Variants in CDH23 observed in about 807,000 individuals in gnomAD.
CDH23 encodes the protein cadherin related 23, also known as cadherin-23.
A neutral mutation model predicts 317.1 loss-of-function variants in CDH23; 189 were observed. That is an observed-to-expected ratio of 0.60 (90% CI 0.53 to 0.67). The LOEUF (loss-of-function observed/expected upper bound fraction) is 0.67, where lower values mean the gene tolerates loss of function less well. Among genes scored for constraint, CDH23 ranks in the 30% least tolerant of loss-of-function variants. The pLI is 0.00. For synonymous variants in CDH23, 1,839 were observed against 1,876.8 expected (o/e 0.98, Z 0.52); for missense variants, 4,401 against 4,592.4 (o/e 0.96, Z 1.20).
chr10:71,732,626 T>C, intron 32 of CDH23: 2 of 1,401,540 alleles, frequency 1.4e-6, no homozygotes, highest in South Asian at 1.7e-5. Context: ...GAGTGAGACC[T>C]TGTCTCTTAC....
At chr10:71,566,108 G>A (rs1589214899) in intron 6 of CDH23, among the ~76,000 whole-genome samples, 2 of 152,216 alleles carry the variant, frequency 1.3e-5, no homozygotes, top group South Asian at 2.1e-4. Context: ...GGGCACTGGG[G>A]AGTCACGGAT....
At chr10:71,561,829 G>C (rs994869824) in intron 6 of CDH23, among the ~76,000 whole-genome samples, 9 of 152,104 alleles carry the variant, frequency 5.9e-5, no homozygotes, top group African/African-American at 2.2e-4. Flanking sequence ...TAAGGGAGTA[G>C]GTGGGACTGG....
At chr10:71,593,928 G>A (rs1859669825) in intron 9 of CDH23, among the ~76,000 whole-genome samples, 3 of 152,152 alleles carry the variant, frequency 2.0e-5, no homozygotes, top group Non-Finnish European at 4.4e-5. Context: ...AGACCAGCCT[G>A]GGCAACGGAG....
chr10:71,537,911 G>T (rs1168859666), intron 6 of CDH23, among the ~76,000 whole-genome samples: 5 of 152,154 alleles, frequency 3.3e-5, no homozygotes, highest in Non-Finnish European at 5.9e-5. Flanking sequence ...CCACTCACTC[G>T]GCTGGTATAG....
At chr10:71,412,295 C>G (rs1458717831) in intron 1 of CDH23, among the ~76,000 whole-genome samples, 2 of 152,170 alleles carry the variant, frequency 1.3e-5, no homozygotes, top group African/African-American at 4.8e-5. Flanking sequence ...GTTTGAGTCT[C>G]TGCTATCAAT....
chr10:71,598,627 G>A lies in CDH23; in HGVS notation c.833-16877G>A, dbSNP rs140224406. ...GTAATTGAGAAGGACACCAGGCCAC[G>A]CATCTGTAGGGTGGCCCAGTGGGAA... On this transcript the variant is annotated intron_variant, in intron 9 of 69. Coordinates refer to ENST00000224721, the MANE Select transcript of CDH23 (RefSeq NM_022124.6). Among the ~76,000 whole-genome samples the A allele has an allele frequency of 2.4e-3, 373 of 152,344 alleles. 3 individuals carry two copies. Among genetic ancestry groups the A allele is most frequent in the African/African-American group, 8.5e-3 (355 of 41,582 alleles).
At chr10:71,415,492 A>G (rs1213044107) in intron 1 of CDH23, among the ~76,000 whole-genome samples, 1 of 152,182 alleles carries the variant, frequency 6.6e-6, no homozygotes, top group African/African-American at 2.4e-5. Flanking sequence ...ATTTTTGTGT[A>G]TTAAATTTTG....
At chr10:71,411,149 C>T (rs1848328189) in intron 1 of CDH23, among the ~76,000 whole-genome samples, 3 of 152,124 alleles carry the variant, frequency 2.0e-5, no homozygotes, top group Admixed American at 2.0e-4. Context: ...TTAGAATTGG[C>T]TTCTGAAATT....
chr10:71,747,905 G>A (rs904183798), intron 38 of CDH23: 4 of 152,360 alleles, frequency 2.6e-5, no homozygotes, highest in African/African-American at 9.6e-5. Flanking sequence ...AAGAGAAGCA[G>A]CAATGCAAAG....
chr10:71,813,201 C>A, intron 68 of CDH23, 43 bp from the exon 69 acceptor site: 1 of 1,515,594 alleles, frequency 6.6e-7, no homozygotes, highest in Non-Finnish European at 9.0e-7. Context: ...GCGGGGCAGG[C>A]AGGGGAGGGC....
At position 71,746,639 on chromosome 10, in the gene CDH23, G is replaced by A. The variant is rs1338215095; in HGVS notation, c.4845+4718G>A. On this transcript the variant is annotated intron_variant, in intron 38 of 69. Transcript: ENST00000224721. ...AGAGCTGGGCCCAGGGAGGAAGGGC[G>A]GAAGGTAACTGGGAGGTCAGGAGTT... Among the ~76,000 whole-genome samples, 7 of 152,340 alleles carry A rather than the reference G, an allele frequency of 4.6e-5. No homozygotes were observed. The East Asian group carries it at 7.7e-4, about 17-fold the overall frequency.
At chr10:71,796,128 C>T in intron 48 of CDH23, 1 of 974,994 alleles carries the variant, frequency 1.0e-6, no homozygotes, top group Non-Finnish European at 1.2e-6. Context: ...AGAAGCCCAG[C>T]AGGGGGATCT....
At chr10:71,505,587 G>A (rs923524650) in intron 3 of CDH23, among the ~76,000 whole-genome samples, 5 of 152,172 alleles carry the variant, frequency 3.3e-5, no homozygotes, top group African/African-American at 9.7e-5. Context: ...ACTCACAGGC[G>A]CTGGCAGTTA....
chr10:71,733,132 C>T (rs1343762525), intron 32 of CDH23, among the ~76,000 whole-genome samples: 8 of 152,224 alleles, frequency 5.3e-5, no homozygotes, highest in Non-Finnish European at 7.3e-5. Context: ...GCTAGAGCAG[C>T]TTGCAGAACT....
chr10:71,797,510 G>C (rs1841434443), intron 49 of CDH23, among the ~76,000 whole-genome samples: 1 of 152,182 alleles, frequency 6.6e-6, no homozygotes, highest in Non-Finnish European at 1.5e-5. Context: ...GCCTGGAACA[G>C]ATTGAGAAAA....
At chr10:71,619,056 C>T (rs1861337054) in intron 11 of CDH23, among the ~76,000 whole-genome samples, 1 of 152,068 alleles carries the variant, frequency 6.6e-6, no homozygotes, top group Admixed American at 6.6e-5. Flanking sequence ...ATTTTTAAGC[C>T]GGGCACAGTG....
intron 3 of CDH23, among the ~76,000 whole-genome samples, chr10:71,493,395 G>T (rs1260084169): frequency 6.6e-6 from 1 of 152,086 alleles, no homozygotes; most frequent in African/African-American, 2.4e-5. Flanking sequence ...CCACAACAGA[G>T]ATTCTGTTGA....
At chr10:71,799,975 C>A (rs1841512709) in intron 52 of CDH23, among the ~76,000 whole-genome samples, 1 of 152,224 alleles carries the variant, frequency 6.6e-6, no homozygotes, top group Admixed American at 6.5e-5. Flanking sequence ...AGGGGAAGCA[C>A]TGCAGAAAGT....
At chr10:71,797,549 C>A (rs1245600217) in intron 49 of CDH23, among the ~76,000 whole-genome samples, 1 of 152,188 alleles carries the variant, frequency 6.6e-6, no homozygotes, top group East Asian at 1.9e-4. Context: ...TAGGTTCAGC[C>A]AGCAGAACTG....
Sources: gnomAD v4.1 joint callset for allele counts (sites outside exome capture counted in the v4.1 genomes callset) on GRCh38, gnomAD v4.1.1 for gene constraint, MANE v1.5 for transcripts, NCBI Gene and HGNC (gene_info 2026-07-23, HGNC 2026-07-21) for gene names.